The following PIGZ variants were observed in gnomAD, a reference collection of about 807,000 sequenced individuals.
PIGZ encodes GPI alpha-1,2-mannosyltransferase 4.
A neutral mutation model predicts 16.4 loss-of-function variants in PIGZ; 16 were observed. The ratio of observed to expected loss-of-function variants is 0.97; its 90% CI spans 0.66 to 1.48. The LOEUF is 1.48. Ranked by LOEUF, PIGZ falls within the 40% of genes most tolerant of loss-of-function variation. The pLI is 0.00. For synonymous variants in PIGZ, 409 were observed against 338.4 expected, an observed-to-expected ratio of 1.21 and a Z score of -2.29; for missense variants, 770 against 739.2, an observed-to-expected ratio of 1.04 and a Z score of -0.48.
intron 1 of PIGZ, among the ~76,000 whole-genome samples, chr3:196,955,958 T>C (rs552560311): frequency 2.0e-5 from 3 of 152,220 alleles, no homozygotes; most frequent in African/African-American, 7.2e-5. Context: ...ATTTTTTTTG[T>C]CCTTTCTTGC....
rs753791137 is a variant in PIGZ at position 196,948,134 on chromosome 3, T to C, written c.763A>G (p.Thr255Ala). ...GATNPGLKSL[T>A]REALVLLPGA... ...GGGAGCAGCACCAGGGCCTCCCGGG[T>C]CAGAGACTTCAAACCAGGGTTTGTG... The change falls in exon 3 of 3, where the codon ACC becomes GCC. Residue 255 changes from threonine (T) to alanine (A), a missense_variant. Thr to Ala is a moderately conservative substitution (Grantham distance 58, BLOSUM62 0). Transcript: ENST00000412723. 9.3e-6 allele frequency: 15 copies of C among 1,605,264 alleles called. No homozygotes were observed. The African/African-American group carries it at 1.7e-4, about 19-fold the overall frequency.
rs775510782 is a variant in PIGZ at position 196,947,705 on chromosome 3, G to T, written c.1192C>A (p.Pro398Thr). The change falls in exon 3 of 3, where the codon CCC (proline) becomes ACC (threonine). Residue 398 changes from proline to threonine, a missense_variant. By Grantham distance (38) the Pro-to-Thr change is conservative (BLOSUM62 -1). Transcript: ENST00000412723. ...TGTGGACTACAAAGCAGGACCAGGG[G>T]GACCAGGAGGGGAATCAGGAACCGA... is the stretch of plus-strand genomic sequence containing the variant. ...EARFLIPLLV[P>T]LVLLCSPQTQ... 6.2e-7 allele frequency: 1 copy of T among 1,613,210 alleles called. No individual in the cohort carries two copies. Among genetic ancestry groups the T allele is most frequent in the Non-Finnish European group, 8.5e-7 (1 of 1,179,572 alleles).
At chr3:196,948,855 T>C (rs535821724) in intron 2 of PIGZ, among the ~76,000 whole-genome samples, 170 bp from the exon 3 acceptor site, 38 of 114,936 alleles carry the variant, frequency 3.3e-4, no homozygotes, top group African/African-American at 1.3e-3. Context: ...CCCTCCTTCT[T>C]TCCCTTCCTT....
Position 196,946,875 on chromosome 3 carries a change from G to A in PIGZ, c.*282C>T, listed in dbSNP as rs1026817501. The A allele has an allele frequency of 8.1e-6, 3 of 370,910 alleles. No homozygotes were observed. Among genetic ancestry groups the A allele is most frequent in the Non-Finnish European group, 1.5e-5 (3 of 206,368 alleles). The allele number at this position is 370,910 out of a possible 1,614,324, so 23.0% of individuals were successfully genotyped here. On this transcript the variant is annotated 3_prime_UTR_variant, in exon 3 of 3. Transcript: ENST00000412723. ...TATCACATATTTCAAACATCACAGT[G>A]GCTGGAAGCAACAGGGCAGGAACAG...
chr3:196,947,611 C>T lies in PIGZ; in HGVS notation c.1286G>A (p.Cys429Tyr). 1 of 1,613,392 alleles carries T rather than the reference C, an allele frequency of 6.2e-7. No homozygotes were observed. Among genetic ancestry groups the T allele is most frequent in the Non-Finnish European group, 8.5e-7 (1 of 1,179,628 alleles). The change falls in exon 3 of 3, where the codon TGC becomes TAC. Residue 429 changes from cysteine (C) to tyrosine (Y), a missense_variant. Physicochemically the swap from Cys to Tyr is radical, Grantham distance 194. Transcript: ENST00000412723. ...FNALGALLFGCLHQGGLVPGL... is the reference protein window; with the variant it reads ...FNALGALLFGYLHQGGLVPGL... ...AGGCACCAGGCCCCCCTGATGCAGG[C>T]AGCCGAAGAGGAGGGCACCGAGGGC...
intron 1 of PIGZ, among the ~76,000 whole-genome samples, chr3:196,962,562 T>C (rs1018314539): frequency 6.6e-6 from 1 of 151,714 alleles, no homozygotes; most frequent in African/African-American, 2.4e-5. Flanking sequence ...ATGGAATGTC[T>C]TGGTGTAAAA....
chr3:196,951,274 A>G (rs1402607858), intron 2 of PIGZ, among the ~76,000 whole-genome samples: 1 of 152,154 alleles, frequency 6.6e-6, no homozygotes, highest in Non-Finnish European at 1.5e-5. Context: ...AGCCGTCTTG[A>G]ACTATGAGGA....
intron 1 of PIGZ, among the ~76,000 whole-genome samples, chr3:196,956,429 A>T (rs1252931092): frequency 6.6e-6 from 1 of 152,250 alleles, no homozygotes; most frequent in African/African-American, 2.4e-5. Flanking sequence ...GTTTCCCCTT[A>T]TAAAACCATC....
chr3:196,957,580 T>C (rs2593980), intron 1 of PIGZ, among the ~76,000 whole-genome samples: 121,682 of 151,972 alleles, frequency 0.8, 49,544 homozygotes, highest in African/African-American at 0.95. Flanking sequence ...CGGGGTTTCA[T>C]CATGTTGGCC....
chr3:196,955,580 T>C (rs1017736556), intron 1 of PIGZ, among the ~76,000 whole-genome samples: 8 of 143,560 alleles, frequency 5.6e-5, no homozygotes, highest in African/African-American at 7.7e-5. Context: ...TTCTTTCTTT[T>C]TTTTTTTTTT....
chr3:196,966,465 C>A (rs1252642608), intron 1 of PIGZ, among the ~76,000 whole-genome samples: 1 of 152,234 alleles, frequency 6.6e-6, no homozygotes, highest in African/African-American at 2.4e-5. Context: ...AGGCGCCATG[C>A]GCTGACTGTT....
rs1163746322 is a variant in PIGZ at position 196,947,064 on chromosome 3, C to T, written c.*93G>A. ...TGGGAGTCATGAAGGAGGACGGGGT[C>T]CTGTCCCAGCGTCCCAGCCCAGCTA... On this transcript the variant is annotated 3_prime_UTR_variant, in exon 3 of 3. Coordinates refer to ENST00000412723, the MANE Select transcript of PIGZ (RefSeq NM_025163.4). 7 of 1,177,264 alleles carry T rather than the reference C, an allele frequency of 5.9e-6. No individual in the cohort carries two copies. In the East Asian group the frequency reaches 1.7e-4, roughly 28 times the overall value. 72.9% of individuals were successfully genotyped at this position (1,177,264 alleles called of 1,614,324 possible).
At chr3:196,968,223 A>G (rs1464971843) in intron 1 of PIGZ, among the ~76,000 whole-genome samples, 1 of 152,140 alleles carries the variant, frequency 6.6e-6, no homozygotes, top group South Asian at 2.1e-4. Context: ...GGGAGCCGAG[A>G]TTCTTCTCGG....
chr3:196,947,670 A>G lies in PIGZ; in HGVS notation c.1227T>C (p.Pro409=), dbSNP rs752092256. 5 of 1,611,868 alleles carry G rather than the reference A, an allele frequency of 3.1e-6. No homozygotes were observed. The highest frequency in any genetic ancestry group is 3.4e-6 in the Non-Finnish European group (4 of 1,178,620). ...GGACCACAGTGCCCTTCCAAGGCACAGGCTGCGTCTGTGGACTACAAAGCA... is the reference window on the plus strand; with the variant it reads ...GGACCACAGTGCCCTTCCAAGGCACGGGCTGCGTCTGTGGACTACAAAGCA... ...LVLLCSPQTQ[P]VPWKGTVVLF... is the part of the protein sequence containing the mutation. The change falls in exon 3 of 3, where the codon CCT becomes CCC. Residue 409 remains proline (P), a synonymous_variant. Coordinates refer to ENST00000412723, the MANE Select transcript of PIGZ (RefSeq NM_025163.4).
intron 1 of PIGZ, among the ~76,000 whole-genome samples, chr3:196,963,654 A>G (rs1717808119): frequency 6.6e-6 from 1 of 152,280 alleles, no homozygotes; most frequent in Non-Finnish European, 1.5e-5. Context: ...ATTACTGATG[A>G]AGACTCACCT....
At chr3:196,968,270 C>T (rs1471108374) in intron 1 of PIGZ, among the ~76,000 whole-genome samples, 1 of 152,190 alleles carries the variant, frequency 6.6e-6, no homozygotes, top group Non-Finnish European at 1.5e-5. Flanking sequence ...GCATGGTTTC[C>T]TCCTCTTGCC....
chr3:196,946,658 T>C lies in PIGZ; in HGVS notation c.*499A>G, dbSNP rs1716889948. 6.6e-6 allele frequency: 1 copy of C among 152,374 alleles called. No individual in the cohort carries two copies. The highest frequency in any genetic ancestry group is 1.5e-5 in the Non-Finnish European group (1 of 68,172). 9.4% of individuals were successfully genotyped at this position (152,374 alleles called of 1,614,324 possible). On this transcript the variant is annotated 3_prime_UTR_variant, in exon 3 of 3. Coordinates refer to ENST00000412723, the MANE Select transcript of PIGZ (RefSeq NM_025163.4). ...GGTGACAGACCAAGGGGCCAGAAGT[T>C]GGGTCCCCTGGATCTGGGCCACCTG...
At chr3:196,968,096 G>C (rs1718004750) in intron 1 of PIGZ, among the ~76,000 whole-genome samples, 1 of 152,230 alleles carries the variant, frequency 6.6e-6, no homozygotes, top group Admixed American at 6.5e-5. Flanking sequence ...GGAGCGCTGG[G>C]TGCTCCCTGG....
In PIGZ at chr3:196,965,433, A is replaced by G. The variant is rs1409866923; in HGVS notation, c.-1+3254T>C. Among the ~76,000 whole-genome samples, 1 of 152,126 alleles carries G rather than the reference A, an allele frequency of 6.6e-6. No homozygotes were observed. ...CCTCTCCCACCGGGTCTTTCCCTCA[A>G]CACTTGGGGATTACAATTCAAGATG... is the stretch of plus-strand genomic sequence containing the variant. On this transcript the variant is annotated intron_variant, in intron 1 of 2. Transcript: ENST00000412723. This position sits in a 1 kb window ranked among gnomAD's most constrained non-coding sequence, Gnocchi z 4.2.
Sources: allele counts gnomAD v4.1 joint callset (sites outside exome capture counted in the v4.1 genomes callset), GRCh38; gene constraint gnomAD v4.1.1; non-coding constraint Gnocchi (gnomAD v3.1); transcripts MANE v1.5; gene names NCBI Gene and HGNC (gene_info 2026-07-23, HGNC 2026-07-21).